Variants in HSPA4 observed in about 807,000 individuals in gnomAD.
The protein encoded by HSPA4 is heat shock 70 kDa protein 4.
In HSPA4, 25 loss-of-function variants were observed where a neutral mutation model predicts 106.2. The observed-to-expected ratio is 0.24, with a 90% CI of 0.17 to 0.33. The LOEUF (loss-of-function observed/expected upper bound fraction) is 0.33, where lower values mean the gene tolerates loss of function less well. Among genes scored for constraint, HSPA4 ranks in the 10% least tolerant of loss-of-function variants. The pLI is 1.00. For synonymous variants in HSPA4, 332 were observed against 333.6 expected, an observed-to-expected ratio of 1.00 and a Z score of 0.05; for missense variants, 841 against 996.0, an observed-to-expected ratio of 0.84 and a Z score of 2.10.
intron 3 of HSPA4, 94 bp from the exon 4 acceptor site, chr5:133,070,280 T>C (rs530260624): frequency 1.7e-5 from 21 of 1,264,790 alleles, no homozygotes; most frequent in Admixed American, 9.7e-5. Context: ...AATGTTGCAT[T>C]GATAATGGGA....
Position 133,076,797 on chromosome 5 carries a change from G to A in HSPA4, c.807G>A (p.Glu269=), listed in dbSNP as rs764744678. 8 of 1,613,750 alleles carry A rather than the reference G, an allele frequency of 5.0e-6. No individual in the cohort carries two copies. Among genetic ancestry groups the A allele is most frequent in the Middle Eastern group, 1.6e-4 (1 of 6,078 alleles). The change falls in exon 7 of 19, where the codon GAG becomes GAA. Residue 269 remains glutamate (E), a synonymous_variant. Coordinates refer to ENST00000304858, the MANE Select transcript of HSPA4 (RefSeq NM_002154.4). The part of the protein sequence containing the change: ...KIRALLRLSQ[E]CEKLKKLMSA... ...GTGCATTATTACGACTCTCTCAGGA[G>A]TGTGAGAAACTCAAGAAATTGATGA...
chr5:133,089,716 T>TAAA (rs768565246), intron 11 of HSPA4, 21 bp downstream of exon 11: 3 of 1,381,890 alleles, frequency 2.2e-6, no homozygotes, highest in East Asian at 2.8e-5. Flanking sequence ...AGTTGGAAAT[T>TAAA]AAAAAAGAAA....
intron 2 of HSPA4, among the ~76,000 whole-genome samples, chr5:133,066,743 T>C (rs201681457): frequency 0.21 from 31,914 of 148,466 alleles, 3,566 homozygotes; most frequent in South Asian, 0.25. Context: ...TTTCTTTTTT[T>C]TTTTTTTTTT....
chr5:133,103,180 G>C (rs184973920), intron 17 of HSPA4, among the ~76,000 whole-genome samples: 1 of 150,626 alleles, frequency 6.6e-6, no homozygotes, highest in African/African-American at 2.4e-5. Flanking sequence ...TCCTGTCTCA[G>C]CCTCCTGAGT....
At chr5:133,101,236 A>G (rs1201236008) in intron 16 of HSPA4, among the ~76,000 whole-genome samples, 2 of 152,166 alleles carry the variant, frequency 1.3e-5, no homozygotes, top group Admixed American at 6.5e-5. Flanking sequence ...CTGTGTCTAT[A>G]GTTCTTCTTC....
intron 8 of HSPA4, 151 bp downstream of exon 8, chr5:133,087,009 C>A (rs1197427358): frequency 3.5e-6 from 2 of 576,176 alleles, no homozygotes; most frequent in African/African-American, 1.9e-5. Context: ...CCTGTATCTT[C>A]CCCCTGCCCA....
At chr5:133,092,282 A>G (rs1581478776) in intron 12 of HSPA4, among the ~76,000 whole-genome samples, 1 of 152,194 alleles carries the variant, frequency 6.6e-6, no homozygotes, top group African/African-American at 2.4e-5. Context: ...ACTTTTGAGG[A>G]TGAAGAGAGG....
chr5:133,080,680 A>G (rs145588022), intron 7 of HSPA4, among the ~76,000 whole-genome samples: 2 of 149,466 alleles, frequency 1.3e-5, no homozygotes, highest in Non-Finnish European at 3.0e-5. Context: ...ATATATATAT[A>G]TTTTTTTTTA....
In HSPA4 at chr5:133,052,176, C is replaced by G. The variant is rs1005984198; in HGVS notation, c.-75C>G. On this transcript the variant is annotated 5_prime_UTR_variant, in exon 1 of 19. Coordinates refer to ENST00000304858, the MANE Select transcript of HSPA4 (RefSeq NM_002154.4). ...CGGCCCAAGAGGCCTGCTTTCCACT[C>G]GCTAGCCCCGCCGGGGGTCCGTGTC... is the stretch of plus-strand genomic sequence containing the variant. 1.8e-5 allele frequency: 19 copies of G among 1,049,932 alleles called. No individual in the cohort carries two copies. Among genetic ancestry groups the G allele is most frequent in the Non-Finnish European group, 2.7e-5 (19 of 709,538 alleles). The allele number at this position is 1,049,932 out of a possible 1,614,324, so 65.0% of individuals were successfully genotyped here.
intron 1 of HSPA4, among the ~76,000 whole-genome samples, chr5:133,059,117 G>A (rs899312320): frequency 1.3e-5 from 2 of 149,722 alleles, no homozygotes; most frequent in African/African-American, 2.5e-5. Context: ...GACAGAGTGA[G>A]ACTCCGTCTC....
intron 1 of HSPA4, among the ~76,000 whole-genome samples, chr5:133,061,532 A>G (rs1765242683): frequency 1.3e-5 from 2 of 152,240 alleles, no homozygotes; most frequent in South Asian, 2.1e-4. Context: ...AGGGAAATAA[A>G]TGTGTTAGTA....
chr5:133,092,522 A>G (rs1329406205), intron 12 of HSPA4, among the ~76,000 whole-genome samples, 178 bp from the exon 13 acceptor site: 1 of 152,182 alleles, frequency 6.6e-6, no homozygotes, highest in African/African-American at 2.4e-5. Context: ...TGTATTAACT[A>G]AGATCCAGAG....
intron 16 of HSPA4, among the ~76,000 whole-genome samples, chr5:133,100,121 T>C (rs1395804784): frequency 6.6e-6 from 1 of 152,134 alleles, no homozygotes; most frequent in Non-Finnish European, 1.5e-5. Context: ...TGGAGTGCAG[T>C]GGCGCAGTCT....
intron 3 of HSPA4, among the ~76,000 whole-genome samples, chr5:133,068,082 C>G (rs888166437): frequency 6.6e-6 from 1 of 151,868 alleles, no homozygotes; most frequent in South Asian, 2.1e-4. Flanking sequence ...TTAGTAGAGA[C>G]GGGGTTTCAC....
chr5:133,053,447 CAG>C (rs1252343707), intron 1 of HSPA4, among the ~76,000 whole-genome samples: 5 of 148,954 alleles, frequency 3.4e-5, no homozygotes, highest in African/African-American at 1.2e-4. Context: ...GCTCCTGGCT[CAG>C]GTGATTCTCC....
rs189947053 is a variant in HSPA4, at chr5:133,080,116, T to A, written c.908+3218T>A. Among the ~76,000 whole-genome samples the A allele has an allele frequency of 5.2e-4, 79 of 152,166 alleles. 1 individual carries two copies. The East Asian group carries it at 0.014, about 27-fold the overall frequency. On this transcript the variant is annotated intron_variant, in intron 7 of 18. Transcript: ENST00000304858. ...GATGCCCAAATGTTTTTGATTTTTT[T>A]TTTTCTTGAAAGTCCATTTGGGTGT...
intron 7 of HSPA4, among the ~76,000 whole-genome samples, chr5:133,084,633 G>C (rs1017387038): frequency 7.2e-5 from 11 of 151,936 alleles, no homozygotes; most frequent in African/African-American, 2.7e-4. Flanking sequence ...ACCACGCCTG[G>C]CTAATTTTGT....
intron 1 of HSPA4, among the ~76,000 whole-genome samples, chr5:133,056,814 G>C (rs1195953668): frequency 1.3e-5 from 2 of 152,180 alleles, no homozygotes; most frequent in Non-Finnish European, 2.9e-5. Context: ...TTAATTTGCA[G>C]TAGGAACAGA....
chr5:133,059,148 TAATAG>T (rs1423964506), intron 1 of HSPA4, among the ~76,000 whole-genome samples: 1 of 133,818 alleles, frequency 7.5e-6, no homozygotes, highest in African/African-American at 2.8e-5. Flanking sequence ...ATAATAATAA[TAATAG>T]AATAATAAAA....
Sources: allele counts gnomAD v4.1 joint callset (sites outside exome capture counted in the v4.1 genomes callset), GRCh38; gene constraint gnomAD v4.1.1; transcripts MANE v1.5; gene names NCBI Gene and HGNC (gene_info 2026-07-23, HGNC 2026-07-21).